The following AARS1 variants were observed in gnomAD, a reference collection of about 807,000 sequenced individuals.
AARS1 encodes alanine--tRNA ligase, cytoplasmic.
In AARS1, 72 loss-of-function variants were observed where a neutral mutation model predicts 108.9. The ratio of observed to expected loss-of-function variants is 0.66; its 90% CI spans 0.55 to 0.80. The LOEUF (loss-of-function observed/expected upper bound fraction) is 0.80, where lower values mean the gene tolerates loss of function less well. Among genes scored for constraint, AARS1 ranks in the 30% least tolerant of loss-of-function variants. The probability of loss-of-function intolerance (pLI) is 0.00; values close to 1 mark genes in which losing one functional copy is unlikely to be tolerated. For missense variants in AARS1, 1,193 were observed against 1,233.2 expected, an observed-to-expected ratio of 0.97 and a Z score of 0.49; for synonymous variants, 489 against 465.7, an observed-to-expected ratio of 1.05 and a Z score of -0.64.
chr16:70,269,672 C>T lies in AARS1; in HGVS notation c.908G>A (p.Arg303Gln), dbSNP rs369366275. 11 of 1,614,134 alleles carry T rather than the reference C, an allele frequency of 6.8e-6. No individual in the cohort carries two copies. Among genetic ancestry groups the T allele is most frequent in the South Asian group, 2.2e-5 (2 of 91,086 alleles). The change falls in exon 7 of 21, where the codon CGG becomes CAG. Residue 303 changes from arginine (R) to glutamine (Q), a missense_variant. By Grantham distance (43) the Arg-to-Gln change is conservative (BLOSUM62 1). Transcript: ENST00000261772. ...MAYRVLADHA[R>Q]TITVALADGG... is the part of the protein sequence containing the mutation. ...ATCAGCCAGTGCCACAGTGATGGTC[C>T]GAGCGTGGTCAGCCAGCACCCGGTA... is the stretch of plus-strand genomic sequence containing the variant.
At chr16:70,259,532 G>C (rs894602479) in intron 13 of AARS1, among the ~76,000 whole-genome samples, 1 of 152,126 alleles carries the variant, frequency 6.6e-6, no homozygotes, top group African/African-American at 2.4e-5. Flanking sequence ...ACCCAGGATA[G>C]AGTACAGCGG....
Position 70,271,831 on chromosome 16 carries a change from G to C in AARS1, c.621C>G (p.Asp207Glu), listed in dbSNP as rs147424208. ...TCCAGATCTCCAGCACATTAGGGTC[G>C]TCCTGGTTGACAAGATGTGCGGCGT... ...GRDAAHLVNQ[D>E]DPNVLEIWNL... Residue 207 changes from aspartate to glutamate, a missense_variant, in exon 5 of 21, where the codon GAC (aspartate) becomes GAG (glutamate). Transcript: ENST00000261772. The C allele has an allele frequency of 4.3e-6, 7 of 1,613,724 alleles. No homozygotes were observed. Among genetic ancestry groups the C allele is most frequent in the Non-Finnish European group, 5.9e-6 (7 of 1,179,824 alleles).
chr16:70,263,626 T>C (rs1432366915), intron 11 of AARS1, among the ~76,000 whole-genome samples: 2 of 151,766 alleles, frequency 1.3e-5, no homozygotes, highest in Non-Finnish European at 2.9e-5. Context: ...AAAACATGTA[T>C]TGCCAATTTA....
rs142442564 is a variant in AARS1, at chr16:70,255,526, CAT to C, written c.2286+200_2286+201del. Among the ~76,000 whole-genome samples the C allele has an allele frequency of 0.014, 2,061 of 152,162 alleles. 52 individuals carry two copies. The highest frequency in any genetic ancestry group is 0.047 in the African/African-American group (1,938 of 41,522). ...TTCACATATATTTTAAAAGACTAAA[CAT>C]AGGAAAGCTAGGAGATCTTGTGTGG... On this transcript the variant is annotated intron_variant, in intron 16 of 20. Transcript: ENST00000261772.
intron 4 of AARS1, among the ~76,000 whole-genome samples, chr16:70,272,924 A>ACACACACACACAC (rs1567608986): frequency 9.9e-5 from 15 of 151,002 alleles, no homozygotes; most frequent in South Asian, 2.1e-4. Context: ...ACACACACAC[A>ACACACACACACAC]AAAGATTGTG....
In AARS1 at chr16:70,254,608, A is replaced by T; in HGVS notation, c.2400+13T>A. 1 of 1,583,844 alleles carries T rather than the reference A, an allele frequency of 6.3e-7. No homozygotes were observed. The highest frequency in any genetic ancestry group is 8.7e-7 in the Non-Finnish European group (1 of 1,152,492). On this transcript the variant is annotated intron_variant, in intron 17 of 20. Coordinates refer to ENST00000261772, the MANE Select transcript of AARS1 (RefSeq NM_001605.3). ...CCAGGCCCTGAGGACGGAGGGAGGG[A>T]AGCCGCCCCTACCTCTCCAAGGTCA...
chr16:70,275,239 G>A (rs1431556670), intron 4 of AARS1, among the ~76,000 whole-genome samples: 1 of 149,386 alleles, frequency 6.7e-6, no homozygotes, highest in Non-Finnish European at 1.5e-5. Context: ...CAGCCTAGGT[G>A]ACAGACTGAG....
chr16:70,273,535 T>A (rs183748028), intron 4 of AARS1, among the ~76,000 whole-genome samples: 1 of 151,822 alleles, frequency 6.6e-6, no homozygotes, highest in Non-Finnish European at 1.5e-5. Flanking sequence ...CTGGGCAACA[T>A]AGCAAAACCC....
chr16:70,253,895 G>A, intron 18 of AARS1, 24 bp downstream of exon 18: 1 of 1,614,162 alleles, frequency 6.2e-7, no homozygotes. Flanking sequence ...AAACACTCTG[G>A]CCACTGGTGC....
rs1008479638 is a variant in AARS1 at position 70,265,404 on chromosome 16, C to G, written c.1347+134G>C. 12 of 1,387,342 alleles carry G rather than the reference C, an allele frequency of 8.6e-6. No individual in the cohort carries two copies. In the East Asian group the frequency reaches 2.7e-4, roughly 32 times the overall value. 85.9% of individuals were successfully genotyped at this position (1,387,342 alleles called of 1,614,324 possible). A position where few individuals can be genotyped will look rare whatever the true frequency, so the allele number is the denominator to read the frequency against. ...ACTCCCTGGAAGGCAGACTCGCCCC[C>G]ACTTGAGAACCACTGATCTAGGGGA... On this transcript the variant is annotated intron_variant, in intron 10 of 20. Coordinates refer to ENST00000261772, the MANE Select transcript of AARS1 (RefSeq NM_001605.3).
At chr16:70,272,646 A>C (rs1036301966) in intron 4 of AARS1, among the ~76,000 whole-genome samples, 1 of 151,798 alleles carries the variant, frequency 6.6e-6, no homozygotes, top group East Asian at 1.9e-4. Context: ...CAAGGACATG[A>C]GTAAGGCCTA....
intron 4 of AARS1, chr16:70,275,936 C>CAAAAAAAAAAAAAAAA (rs59002209): frequency 5.3e-5 from 2 of 37,924 alleles, no homozygotes; most frequent in African/African-American, 2.1e-4. Context: ...GACTCCATCT[C>CAAAAAAAAAAAAAAAA]AAAAAAAAAA....
In AARS1 at chr16:70,270,297, C is replaced by G; in HGVS notation, c.715G>C (p.Asp239His). Residue 239 changes from aspartate (D) to histidine (H), a missense_variant, in exon 6 of 21, where the codon GAC (aspartate) becomes CAC (histidine). Physicochemically the swap from Asp to His is moderately conservative, Grantham distance 81. Transcript: ENST00000261772. ...ILKPLPKKSI[D>H]TGMGLERLVS... ...AGTCGTTCCAGGCCCATCCCTGTGT[C>G]AATGCTTTTCTTGGGAAGAGGTTTC... 1 of 1,614,166 alleles carries G rather than the reference C, an allele frequency of 6.2e-7. No individual in the cohort carries two copies. Among genetic ancestry groups the G allele is most frequent in the Non-Finnish European group, 8.5e-7 (1 of 1,180,026 alleles).
At chr16:70,283,248 G>T (rs1960748525) in intron 1 of AARS1, among the ~76,000 whole-genome samples, 1 of 151,806 alleles carries the variant, frequency 6.6e-6, no homozygotes, top group Non-Finnish European at 1.5e-5. Flanking sequence ...AATACAAAAA[G>T]TAACTGGGCA....
Position 70,264,971 on chromosome 16 carries a change from G to A in AARS1, c.1479C>T (p.Ser493=), listed in dbSNP as rs142958195. The stretch of plus-strand genomic sequence containing the variant: ...ACAGCAACATACCATAGCTACCACT[G>A]GAGTCCAAATGGTAATTGTACTTTG... ...DSPKYNYHLD[S]SGSYVFENTV... Residue 493 remains serine (S), a synonymous_variant, in exon 11 of 21, where the codon TCC becomes TCT. Transcript: ENST00000261772. 15 of 1,613,982 alleles carry A rather than the reference G, an allele frequency of 9.3e-6. No homozygotes were observed. Among genetic ancestry groups the A allele is most frequent in the Non-Finnish European group, 1.2e-5 (14 of 1,180,038 alleles).
At chr16:70,257,946 C>T (rs1257908526) in intron 15 of AARS1, 87 bp downstream of exon 15, 2 of 1,479,272 alleles carry the variant, frequency 1.4e-6, no homozygotes, top group East Asian at 4.6e-5. Flanking sequence ...CAACCTTAGA[C>T]AGACAAGAGT....
At chr16:70,270,142 G>C in intron 6 of AARS1, 54 bp downstream of exon 6, 1 of 1,605,960 alleles carries the variant, frequency 6.2e-7, no homozygotes, top group Non-Finnish European at 8.5e-7. Context: ...ACTGTTAAGA[G>C]TACAGCCTGG....
At chr16:70,271,129 C>T (rs1177276250) in intron 5 of AARS1, among the ~76,000 whole-genome samples, 1 of 151,518 alleles carries the variant, frequency 6.6e-6, no homozygotes, top group Admixed American at 6.6e-5. Context: ...GGGCTGAGAT[C>T]TTGCCACTGC....
Position 70,267,694 on chromosome 16 carries a change from T to C in AARS1, c.1187A>G (p.Lys396Arg), listed in dbSNP as rs1201532709. The C allele has an allele frequency of 6.2e-7, 1 of 1,614,164 alleles. No individual in the cohort carries two copies. The highest frequency in any genetic ancestry group is 8.5e-7 in the Non-Finnish European group (1 of 1,180,032). The stretch of plus-strand genomic sequence containing the variant: ...CTTGCTGTCTCCCAGGCTCTGAATT[T>C]TCCTGTCCAGGATGCGACGCCCTCT... ...LSRGRRILDR[K>R]IQSLGDSKTI... is the part of the protein sequence containing the mutation. The change falls in exon 9 of 21, where the codon AAA becomes AGA. Residue 396 changes from lysine to arginine, a missense_variant. Physicochemically the swap from Lys to Arg is conservative, Grantham distance 26. Transcript: ENST00000261772.
Sources: gnomAD v4.1 joint callset for allele counts (sites outside exome capture counted in the v4.1 genomes callset) on GRCh38, gnomAD v4.1.1 for gene constraint, MANE v1.5 for transcripts, NCBI Gene and HGNC (gene_info 2026-07-23, HGNC 2026-07-21) for gene names.